Variants in IHH observed in about 807,000 individuals in gnomAD.
The protein encoded by IHH is indian hedgehog protein.
IHH carries 9 observed loss-of-function variants against 29.4 expected under a neutral mutation model. The ratio of observed to expected loss-of-function variants is 0.31; its 90% CI spans 0.18 to 0.53. IHH has a LOEUF of 0.53. Ranked by LOEUF, IHH falls within the 20% of genes least tolerant of loss-of-function variation. The pLI, the probability that IHH is intolerant of heterozygous loss-of-function variation, is 0.95. For missense variants in IHH, 454 were observed against 578.1 expected, an observed-to-expected ratio of 0.79 and a Z score of 2.20; for synonymous variants, 254 against 252.7, an observed-to-expected ratio of 1.01 and a Z score of -0.05.
In IHH at chr2:219,059,002, G is replaced by A. The variant is rs1948856325; in HGVS notation, c.315+1151C>T. Reference sequence around the variant, plus strand: ...GGCTTCTAGCCCCGCACCTATGCCCGCCTGCAGCCCTGGTTCCCCGCCTCT... The same window carrying A: ...GGCTTCTAGCCCCGCACCTATGCCCACCTGCAGCCCTGGTTCCCCGCCTCT... On this transcript the variant is annotated intron_variant, in intron 1 of 2. Transcript: ENST00000295731. The surrounding 1 kb of genome is among the most constrained non-coding windows in gnomAD (Gnocchi z 4.7). 6.6e-6 allele frequency among the ~76,000 whole-genome samples: 1 copy of A among 152,178 alleles called. No homozygotes were observed.
At chr2:219,056,757 C>T (rs896847737) in intron 2 of IHH, among the ~76,000 whole-genome samples, 4 of 152,140 alleles carry the variant, frequency 2.6e-5, no homozygotes, top group East Asian at 1.9e-4. Context: ...CATTTGGAGC[C>T]TCCATGGCTG....
In IHH at chr2:219,060,401, G is replaced by C; in HGVS notation, c.67C>G (p.Pro23Ala). The C allele has an allele frequency of 6.3e-7, 1 of 1,599,112 alleles. No homozygotes were observed. The highest frequency in any genetic ancestry group is 1.7e-5 in the Admixed American group (1 of 59,444). ...CLVLLLLLVV[P>A]AAWGCGPGRV... is the part of the protein sequence containing the mutation. ...CCCGGCCCGCAGCCCCATGCCGCCG[G>C]CACCACCAGCAGCAGCAACAGGACC... The change falls in exon 1 of 3, where the codon CCG becomes GCG. Residue 23 changes from proline to alanine, a missense_variant. Transcript: ENST00000295731. This position sits in a 1 kb window ranked among gnomAD's most constrained non-coding sequence, Gnocchi z 8.8.
In IHH at chr2:219,057,659, C is replaced by A. The variant is rs1948842896; in HGVS notation, c.351G>T (p.Ser117=). The part of the protein sequence containing the change: ...CKDRLNSLAI[S]VMNQWPGVKL... ...TCACACCGGGCCACTGGTTCATCACCGAGATAGCCAGCGAGTTCAGGCGGT... is the reference window on the plus strand; with the variant it reads ...TCACACCGGGCCACTGGTTCATCACAGAGATAGCCAGCGAGTTCAGGCGGT... The change falls in exon 2 of 3, where the codon TCG becomes TCT. Residue 117 remains serine, a synonymous_variant. Transcript: ENST00000295731. 9 of 1,610,832 alleles carry A rather than the reference C, an allele frequency of 5.6e-6. No homozygotes were observed. Among genetic ancestry groups the A allele is most frequent in the Non-Finnish European group, 7.6e-6 (9 of 1,180,016 alleles).
rs960129337 is a variant in IHH, at chr2:219,059,311, C to T, written c.315+842G>A. ...GAAGGAAGGGGGTGAAGGTCTCTCC[C>T]CTCGCGGACCTGGCTGCTGGGAAGG... On this transcript the variant is annotated intron_variant, in intron 1 of 2. Coordinates refer to ENST00000295731, the MANE Select transcript of IHH (RefSeq NM_002181.4). This position sits in a 1 kb window ranked among gnomAD's most constrained non-coding sequence, Gnocchi z 4.7. Among the ~76,000 whole-genome samples, 4 of 152,222 alleles carry T rather than the reference C, an allele frequency of 2.6e-5. No homozygotes were observed. Among genetic ancestry groups the T allele is most frequent in the Admixed American group, 1.3e-4 (2 of 15,288 alleles).
At chr2:219,056,998 G>A (rs1045412751) in intron 2 of IHH, among the ~76,000 whole-genome samples, 8 of 152,246 alleles carry the variant, frequency 5.3e-5, no homozygotes, top group South Asian at 2.1e-4. Flanking sequence ...GCAGCTGGGT[G>A]GTGGGTTCTG....
In IHH at chr2:219,060,188, C is replaced by T; in HGVS notation, c.280G>A (p.Glu94Lys). Reference sequence around the variant, plus strand: ...AGGCGGTCGGCGCCTGTGTTCTCCTCGTCCTTGAAGATGATGTCTGGATTG... The same window carrying T: ...AGGCGGTCGGCGCCTGTGTTCTCCTTGTCCTTGAAGATGATGTCTGGATTG... ...NYNPDIIFKD[E>K]ENTGADRLMT... The change falls in exon 1 of 3, where the codon GAG (glutamate) becomes AAG (lysine). Residue 94 changes from glutamate (E) to lysine (K), a missense_variant. By Grantham distance (56) the Glu-to-Lys change is moderately conservative. Around this residue, in one of 3 missense-constraint regions of IHH, gnomAD observed 70 missense variants for 140.1 expected, o/e 0.50. Coordinates refer to ENST00000295731, the MANE Select transcript of IHH (RefSeq NM_002181.4). This position sits in a 1 kb window ranked among gnomAD's most constrained non-coding sequence, Gnocchi z 8.8. 6.2e-7 allele frequency: 1 copy of T among 1,612,364 alleles called. No individual in the cohort carries two copies. The highest frequency in any genetic ancestry group is 8.5e-7 in the Non-Finnish European group (1 of 1,179,230).
chr2:219,060,331 G>A lies in IHH; in HGVS notation c.137C>T (p.Pro46Leu), dbSNP rs121917856. 1 of 1,610,996 alleles carries A rather than the reference G, an allele frequency of 6.2e-7. No homozygotes were observed. Among genetic ancestry groups the A allele is most frequent in the Non-Finnish European group, 8.5e-7 (1 of 1,179,592 alleles). ...GGGGCTGAACTGCTTGTAGGCGAGCGGCACGAGTTTGCGTGGCGGTCGCCG... is the reference window on the plus strand; with the variant it reads ...GGGGCTGAACTGCTTGTAGGCGAGCAGCACGAGTTTGCGTGGCGGTCGCCG... Reference protein sequence around the residue: ...SRRRPPRKLVPLAYKQFSPNV... With the variant: ...SRRRPPRKLVLLAYKQFSPNV... Residue 46 changes from proline to leucine, a missense_variant, in exon 1 of 3, where the codon CCG becomes CTG. By Grantham distance (98) the Pro-to-Leu change is moderately conservative (BLOSUM62 -3). Around this residue, in one of 3 missense-constraint regions of IHH, gnomAD observed 113 missense variants for 122.1 expected, o/e 0.93. Coordinates refer to ENST00000295731, the MANE Select transcript of IHH (RefSeq NM_002181.4). This position sits in a 1 kb window ranked among gnomAD's most constrained non-coding sequence, Gnocchi z 8.8.
At position 219,060,639 on chromosome 2, in the gene IHH, C is replaced by T. The variant is rs1574689673; in HGVS notation, c.-172G>A. 2.0e-5 allele frequency among the ~76,000 whole-genome samples: 3 copies of T among 151,126 alleles called. No homozygotes were observed. The highest frequency in any genetic ancestry group is 7.3e-5 in the African/African-American group (3 of 41,242). On this transcript the variant is annotated 5_prime_UTR_variant, in exon 1 of 3. Coordinates refer to ENST00000295731, the MANE Select transcript of IHH (RefSeq NM_002181.4). This position sits in a 1 kb window ranked among gnomAD's most constrained non-coding sequence, Gnocchi z 8.8. ...GGGCCGGCGGGACTCAAGTGCGGGG[C>T]GGGGGCCCAGGGCCCGAGCTGGTGG...
Position 219,055,767 on chromosome 2 carries a change from C to T in IHH, c.676G>A (p.Gly226Arg), listed in dbSNP as rs1301637650. The change falls in exon 3 of 3, where the codon GGA (glycine) becomes AGA (arginine). Residue 226 changes from glycine (G) to arginine (R), a missense_variant. Gly to Arg is a moderately radical substitution (Grantham distance 125). Around this residue, in one of 3 missense-constraint regions of IHH, gnomAD observed 271 missense variants for 315.9 expected, o/e 0.86. Transcript: ENST00000295731. ...TCCCCCATGGCCAGCACACGGTCTC[C>T]CGGCCTCACGGCTGACAAGGCCACA... is the stretch of plus-strand genomic sequence containing the variant. ...ARVALSAVRPGDRVLAMGEDG... is the reference protein window; with the variant it reads ...ARVALSAVRPRDRVLAMGEDG... 6.2e-7 allele frequency: 1 copy of T among 1,613,654 alleles called. No individual in the cohort carries two copies. Among genetic ancestry groups the T allele is most frequent in the Non-Finnish European group, 8.5e-7 (1 of 1,179,980 alleles).
Position 219,055,132 on chromosome 2 carries a change from A to T in IHH, c.*75T>A. The stretch of plus-strand genomic sequence containing the variant: ...GTGTCCCCCAGCTCAGGTCCCTTCC[A>T]GGGCCAGCTCCCTCCTGGCTGAGAG... On this transcript the variant is annotated 3_prime_UTR_variant, in exon 3 of 3. Transcript: ENST00000295731. 6.7e-7 allele frequency: 1 copy of T among 1,494,340 alleles called. No individual in the cohort carries two copies. The highest frequency in any genetic ancestry group is 9.1e-7 in the Non-Finnish European group (1 of 1,098,100). The allele number at this position is 1,494,340 out of a possible 1,614,324, so 92.6% of individuals were successfully genotyped here.
At chr2:219,056,390 G>C (rs1948831392) in intron 2 of IHH, among the ~76,000 whole-genome samples, 1 of 152,192 alleles carries the variant, frequency 6.6e-6, no homozygotes, top group African/African-American at 2.4e-5. Flanking sequence ...CAGGGGCGAG[G>C]ACACAGTCAC....
At chr2:219,057,360 C>T in intron 2 of IHH, 73 bp downstream of exon 2, 2 of 1,531,568 alleles carry the variant, frequency 1.3e-6, no homozygotes, top group Middle Eastern at 1.8e-4. Flanking sequence ...GGCTCTTCAC[C>T]TTCTCGGCAC....
rs1948872342 is a variant in IHH, at chr2:219,060,524, C to A, written c.-57G>T. On this transcript the variant is annotated 5_prime_UTR_variant, in exon 1 of 3. Coordinates refer to ENST00000295731, the MANE Select transcript of IHH (RefSeq NM_002181.4). This position sits in a 1 kb window ranked among gnomAD's most constrained non-coding sequence, Gnocchi z 8.8. ...GTCTCCTGGTGGGCTGATGGGCAGG[C>A]GCGTCGACGGGAGCGCTGCGGGGGC... 1.6e-6 allele frequency: 2 copies of A among 1,266,370 alleles called. No individual in the cohort carries two copies. The highest frequency in any genetic ancestry group is 2.0e-5 in the South Asian group (1 of 49,354). 78.4% of individuals were successfully genotyped at this position (1,266,370 alleles called of 1,614,324 possible). A position where few individuals can be genotyped will look rare whatever the true frequency, so the allele number is the denominator to read the frequency against.
Position 219,057,791 on chromosome 2 carries a change from C to A in IHH, c.316-97G>T. On this transcript the variant is annotated intron_variant, in intron 1 of 2. Coordinates refer to ENST00000295731, the MANE Select transcript of IHH (RefSeq NM_002181.4). ...GGCGCAGCCTCGCCCAGAACTCTCC[C>A]GCCACACCCAAGGGAGCTGGAAGCC... is the stretch of plus-strand genomic sequence containing the variant. The A allele has an allele frequency of 2.6e-6, 4 of 1,520,768 alleles. No individual in the cohort carries two copies. In the East Asian group the frequency reaches 9.3e-5, roughly 35 times the overall value. 94.2% of individuals were successfully genotyped at this position (1,520,768 alleles called of 1,614,324 possible). A position where few individuals can be genotyped will look rare whatever the true frequency, so the allele number is the denominator to read the frequency against.
At chr2:219,058,442 G>T (rs1948850104) in intron 1 of IHH, among the ~76,000 whole-genome samples, 2 of 152,158 alleles carry the variant, frequency 1.3e-5, no homozygotes, top group South Asian at 2.1e-4. Flanking sequence ...GTCTTCCTCT[G>T]CAAGGCGCAA....
At chr2:219,057,884 C>T (rs1273992605) in intron 1 of IHH, among the ~76,000 whole-genome samples, 190 bp from the exon 2 acceptor site, 2 of 152,244 alleles carry the variant, frequency 1.3e-5, no homozygotes, top group Non-Finnish European at 2.9e-5. Context: ...AGCATACAGC[C>T]GCCCCCGGGG....
chr2:219,058,605 G>C (rs1275901317), intron 1 of IHH: 1 of 154,590 alleles, frequency 6.5e-6, no homozygotes, highest in African/African-American at 2.4e-5. Flanking sequence ...CGCCCTGGGG[G>C]AAGGACCGAA....
In IHH at chr2:219,054,940, T is replaced by A. The variant is rs879320591; in HGVS notation, c.*267A>T. 1.3e-4 allele frequency: 64 copies of A among 497,058 alleles called. No homozygotes were observed. The highest frequency in any genetic ancestry group is 2.3e-4 in the Non-Finnish European group (63 of 277,100). The allele number at this position is 497,058 out of a possible 1,614,324, so 30.8% of individuals were successfully genotyped here. On this transcript the variant is annotated 3_prime_UTR_variant, in exon 3 of 3. Coordinates refer to ENST00000295731, the MANE Select transcript of IHH (RefSeq NM_002181.4). ...TAGTGAGAGCAGGCTGAGTTGGGAG[T>A]CGCCGTGCCAGCCTCAAGGTCTCTA... is the stretch of plus-strand genomic sequence containing the variant.
chr2:219,055,921 A>T, intron 2 of IHH, 56 bp from the exon 3 acceptor site: 1 of 1,554,878 alleles, frequency 6.4e-7, no homozygotes, highest in South Asian at 1.2e-5. Flanking sequence ...CCTCCTGGTC[A>T]CAACGACCCT....
Sources: allele counts gnomAD v4.1 joint callset (sites outside exome capture counted in the v4.1 genomes callset), GRCh38; gene constraint gnomAD v4.1.1; regional missense constraint gnomAD v4.1.1; non-coding constraint Gnocchi (gnomAD v3.1); transcripts MANE v1.5; gene names NCBI Gene and HGNC (gene_info 2026-07-23, HGNC 2026-07-21).